The following SKI variants were observed in gnomAD, a reference collection of about 807,000 sequenced individuals.
SKI encodes SKI proto-oncogene, also known as ski oncogene.
A neutral mutation model predicts 59.3 loss-of-function variants in SKI; 23 were observed. The observed-to-expected ratio is 0.39, with a 90% CI of 0.28 to 0.55. The LOEUF (loss-of-function observed/expected upper bound fraction) is 0.55. Ranked by LOEUF, SKI falls within the 20% of genes least tolerant of loss-of-function variation. The pLI is 0.67. For missense variants in SKI, 1,017 were observed against 1,038.9 expected (o/e 0.98, Z 0.29); for synonymous variants, 673 against 488.6 (o/e 1.38, Z -4.98).
Position 2,307,297 on chromosome 1 carries a change from C to G in SKI, c.*532C>G, listed in dbSNP as rs1322198179. On this transcript the variant is annotated 3_prime_UTR_variant, in exon 7 of 7. Transcript: ENST00000378536. ...TTTTTTCAGCGACAAGGACCCAGGT[C>G]TTCCTGCTGCTGCCAGGGAGAGCAG... 1 of 152,308 alleles carries G rather than the reference C, an allele frequency of 6.6e-6. No homozygotes were observed. Among genetic ancestry groups the G allele is most frequent in the Admixed American group, 6.6e-5 (1 of 15,246 alleles). The allele number at this position is 152,308 out of a possible 1,614,324, so 9.4% of individuals were successfully genotyped here.
At chr1:2,249,997 T>C (rs1295289766) in intron 1 of SKI, among the ~76,000 whole-genome samples, 1 of 152,092 alleles carries the variant, frequency 6.6e-6, no homozygotes, top group African/African-American at 2.4e-5. Flanking sequence ...CTCCGCCTCC[T>C]GGATTCAAGT....
At chr1:2,254,713 C>T (rs1257753511) in intron 1 of SKI, among the ~76,000 whole-genome samples, 1 of 152,034 alleles carries the variant, frequency 6.6e-6, no homozygotes, top group Non-Finnish European at 1.5e-5. Context: ...CAGTCTTGGC[C>T]AGACTGTGGT....
intron 1 of SKI, among the ~76,000 whole-genome samples, chr1:2,276,509 T>C (rs925565525): frequency 3.3e-5 from 5 of 152,242 alleles, no homozygotes; most frequent in Non-Finnish European, 7.3e-5. Flanking sequence ...GGGCCCCCTG[T>C]CTGTGCCTCT....
chr1:2,241,415 CTG>C (rs1302535096), intron 1 of SKI, among the ~76,000 whole-genome samples: 1 of 152,018 alleles, frequency 6.6e-6, no homozygotes, highest in African/African-American at 2.4e-5. Context: ...TTCTTTGAGA[CTG>C]AGTCCTGCTC....
rs956022400 is a variant in SKI at position 2,271,365 on chromosome 1, G to A, written c.970-31613G>A. Among the ~76,000 whole-genome samples, 5 of 152,020 alleles carry A rather than the reference G, an allele frequency of 3.3e-5. No homozygotes were observed. The South Asian group carries it at 6.2e-4, about 19-fold the overall frequency. The stretch of plus-strand genomic sequence containing the variant: ...CCAGAGAAACCAGGCAGCCTCTCCC[G>A]CCGGGAGAGGTCCCCCACAGGAGCC... On this transcript the variant is annotated intron_variant, in intron 1 of 6. Coordinates refer to ENST00000378536, the MANE Select transcript of SKI (RefSeq NM_003036.4).
intron 1 of SKI, among the ~76,000 whole-genome samples, chr1:2,301,129 C>T (rs1640414254): frequency 6.6e-6 from 1 of 152,146 alleles, no homozygotes; most frequent in South Asian, 2.1e-4. Flanking sequence ...CTCCACCCAG[C>T]CGGGCGTCCT....
chr1:2,295,012 G>C (rs964100286), intron 1 of SKI, among the ~76,000 whole-genome samples: 2 of 152,272 alleles, frequency 1.3e-5, no homozygotes, highest in African/African-American at 4.8e-5. Context: ...TAAAGTGGAT[G>C]TCAGGCCCCT....
In SKI at chr1:2,267,986, T is replaced by C. The variant is rs1035297255; in HGVS notation, c.970-34992T>C. 6.6e-6 allele frequency among the ~76,000 whole-genome samples: 1 copy of C among 152,082 alleles called. No individual in the cohort carries two copies. The highest frequency in any genetic ancestry group is 1.5e-5 in the Non-Finnish European group (1 of 67,982). On this transcript the variant is annotated intron_variant, in intron 1 of 6. Coordinates refer to ENST00000378536, the MANE Select transcript of SKI (RefSeq NM_003036.4). The surrounding 1 kb of genome is among the most constrained non-coding windows in gnomAD (Gnocchi z 4.1). ...GCTCTGTGGGTGCCGGGCAGAGGCCTCCCAGGCTGGGCAGCCGCCACCCCT... is the reference window on the plus strand; with the variant it reads ...GCTCTGTGGGTGCCGGGCAGAGGCCCCCCAGGCTGGGCAGCCGCCACCCCT...
intron 1 of SKI, among the ~76,000 whole-genome samples, chr1:2,251,320 A>G (rs963528000): frequency 6.6e-6 from 1 of 151,662 alleles, no homozygotes; most frequent in Non-Finnish European, 1.5e-5. Context: ...ATGGGGTCTC[A>G]CTCTGTGGCC....
intron 1 of SKI, among the ~76,000 whole-genome samples, chr1:2,244,144 T>G (rs1476663894): frequency 6.6e-6 from 1 of 152,084 alleles, no homozygotes; most frequent in Admixed American, 6.5e-5. Context: ...TTTTTGTATT[T>G]TTAGTAGAGA....
chr1:2,285,870 G>GGT (rs1640029753), intron 1 of SKI, among the ~76,000 whole-genome samples: 1 of 102,702 alleles, frequency 9.7e-6, no homozygotes, highest in Non-Finnish European at 1.8e-5. Context: ...CAGCCAGAAG[G>GGT]TTTTTTTTTT....
chr1:2,303,690 G>A lies in SKI; in HGVS notation c.1212-150G>A, dbSNP rs113486177. 129 of 1,110,008 alleles carry A rather than the reference G, an allele frequency of 1.2e-4. No individual in the cohort carries two copies. In the African/African-American group the frequency reaches 1.7e-3, roughly 14 times the overall value. The allele number at this position is 1,110,008 out of a possible 1,614,324, so 68.8% of individuals were successfully genotyped here. On this transcript the variant is annotated intron_variant, in intron 3 of 6. Coordinates refer to ENST00000378536, the MANE Select transcript of SKI (RefSeq NM_003036.4). This position sits in a 1 kb window ranked among gnomAD's most constrained non-coding sequence, Gnocchi z 5.6. ...GACCCAGCAAGCAGAAAACGCTTAC[G>A]GGTTCTTAGGGAACTGTAAGCTTGA...
intron 1 of SKI, among the ~76,000 whole-genome samples, chr1:2,258,204 A>G (rs1639312667): frequency 6.6e-6 from 1 of 152,210 alleles, no homozygotes; most frequent in Admixed American, 6.5e-5. Flanking sequence ...TGTTTTATCT[A>G]GTGACAATGT....
At chr1:2,295,719 ATGTGTCCAGGCCACGTGTGACTGTG>A (rs958060792) in intron 1 of SKI, among the ~76,000 whole-genome samples, 16 of 68,204 alleles carry the variant, frequency 2.3e-4, no homozygotes, top group Non-Finnish European at 4.1e-4. Context: ...ACGTGTGGCT[ATGTGTCCAGGCCACGTGTGACTGTG>A]TGTGTCCGGC....
chr1:2,267,427 C>T lies in SKI; in HGVS notation c.970-35551C>T, dbSNP rs1639523249. Among the ~76,000 whole-genome samples the T allele has an allele frequency of 6.6e-6, 1 of 152,194 alleles. No individual in the cohort carries two copies. The highest frequency in any genetic ancestry group is 6.5e-5 in the Admixed American group (1 of 15,286). On this transcript the variant is annotated intron_variant, in intron 1 of 6. Coordinates refer to ENST00000378536, the MANE Select transcript of SKI (RefSeq NM_003036.4). This position sits in a 1 kb window ranked among gnomAD's most constrained non-coding sequence, Gnocchi z 4.1. ...GCCGTTCGGGCCGGAGCAGGTGCGA[C>T]AGGAATGTCCCACGTCCTCTCGTGT...
At chr1:2,288,233 C>T (rs747079389) in intron 1 of SKI, among the ~76,000 whole-genome samples, 4 of 151,130 alleles carry the variant, frequency 2.6e-5, no homozygotes, top group East Asian at 1.9e-4. Flanking sequence ...GTGATCCACC[C>T]GCCTCAGCCT....
chr1:2,307,629 C>T lies in SKI; in HGVS notation c.*864C>T, dbSNP rs1245368968. The T allele has an allele frequency of 3.3e-5, 5 of 152,568 alleles. No individual in the cohort carries two copies. Among genetic ancestry groups the T allele is most frequent in the East Asian group, 1.9e-4 (1 of 5,206 alleles). 9.5% of individuals were successfully genotyped at this position (152,568 alleles called of 1,614,324 possible). ...CGACCCTTTTCAGTTCGGCAAACGT[C>T]GCTCCCTTCATTTTGGGACTGAGGC... On this transcript the variant is annotated 3_prime_UTR_variant, in exon 7 of 7. Coordinates refer to ENST00000378536, the MANE Select transcript of SKI (RefSeq NM_003036.4).
intron 1 of SKI, among the ~76,000 whole-genome samples, chr1:2,300,776 C>T (rs1043665717): frequency 6.6e-6 from 1 of 152,192 alleles, no homozygotes; most frequent in African/African-American, 2.4e-5. Flanking sequence ...TCCTGGCTCC[C>T]TGAAGACCAG....
rs527870542 is a variant in SKI at position 2,309,527 on chromosome 1, A to G, written c.*2762A>G. 1 of 152,080 alleles carries G rather than the reference A, an allele frequency of 6.6e-6. No individual in the cohort carries two copies. The highest frequency in any genetic ancestry group is 1.5e-5 in the Non-Finnish European group (1 of 67,980). 9.4% of individuals were successfully genotyped at this position (152,080 alleles called of 1,614,324 possible). A position where few individuals can be genotyped will look rare whatever the true frequency, so the allele number is the denominator to read the frequency against. On this transcript the variant is annotated 3_prime_UTR_variant, in exon 7 of 7. Coordinates refer to ENST00000378536, the MANE Select transcript of SKI (RefSeq NM_003036.4). ...GTCCTTTTTCAGAAACTCTTTTCTT[A>G]CCTGAGAGTTGTCTTGTTTTCTGGG...
Sources: gnomAD v4.1 joint callset for allele counts (sites outside exome capture counted in the v4.1 genomes callset) on GRCh38, gnomAD v4.1.1 for gene constraint, Gnocchi (gnomAD v3.1) non-coding constraint, MANE v1.5 for transcripts, NCBI Gene and HGNC (gene_info 2026-07-23, HGNC 2026-07-21) for gene names.